FAM117B: variants seen among roughly 807,000 people sequenced by gnomAD.
FAM117B encodes protein FAM117B.
In FAM117B, 22 loss-of-function variants were observed where a neutral mutation model predicts 52.8. The ratio of observed to expected loss-of-function variants is 0.42; its 90% CI spans 0.30 to 0.59. The LOEUF (loss-of-function observed/expected upper bound fraction) is 0.59, where lower values mean the gene tolerates loss of function less well. Among genes scored for constraint, FAM117B ranks in the 20% least tolerant of loss-of-function variants. The pLI, the probability that FAM117B is intolerant of heterozygous loss-of-function variation, is 0.22. For missense variants in FAM117B, 678 were observed against 802.6 expected, an observed-to-expected ratio of 0.84 and a Z score of 1.88; for synonymous variants, 309 against 324.1, an observed-to-expected ratio of 0.95 and a Z score of 0.50.
intron 3 of FAM117B, among the ~76,000 whole-genome samples, chr2:202,725,401 C>G (rs1169252213): frequency 6.6e-6 from 1 of 150,974 alleles, no homozygotes; most frequent in Non-Finnish European, 1.5e-5. Flanking sequence ...TCACTGCAGG[C>G]TCTGCCTCCC....
At chr2:202,737,936 T>C (rs1691468005) in intron 4 of FAM117B, among the ~76,000 whole-genome samples, 1 of 152,180 alleles carries the variant, frequency 6.6e-6, no homozygotes, top group African/African-American at 2.4e-5. Context: ...TAGTATTCCA[T>C]TACATGGATT....
chr2:202,739,896 G>T (rs1410322094), intron 4 of FAM117B, among the ~76,000 whole-genome samples: 1 of 151,964 alleles, frequency 6.6e-6, no homozygotes, highest in African/African-American at 2.4e-5. Context: ...TTTAGGTTGG[G>T]CATGGTGGCT....
At chr2:202,660,713 T>C (rs1437861642) in intron 1 of FAM117B, among the ~76,000 whole-genome samples, 1 of 152,206 alleles carries the variant, frequency 6.6e-6, no homozygotes, top group Non-Finnish European at 1.5e-5. Flanking sequence ...TATCATGAAC[T>C]TCCTACAACT....
At chr2:202,717,902 C>T (rs887958197) in intron 2 of FAM117B, among the ~76,000 whole-genome samples, 4 of 152,188 alleles carry the variant, frequency 2.6e-5, no homozygotes, top group African/African-American at 9.7e-5. Context: ...TAAGTTTCCC[C>T]AGGCCCTGGG....
intron 1 of FAM117B, among the ~76,000 whole-genome samples, chr2:202,691,709 C>G (rs1690632812): frequency 7.7e-6 from 1 of 129,832 alleles, no homozygotes; most frequent in African/African-American, 2.6e-5. Context: ...GCGCGCGCGC[C>G]TCCCCACCCT....
rs552353369 is a variant in FAM117B at position 202,728,196 on chromosome 2, C to CCA, written c.960+1834_960+1835dup. On this transcript the variant is annotated intron_variant, in intron 4 of 7. Coordinates refer to ENST00000392238, the MANE Select transcript of FAM117B (RefSeq NM_173511.4). The stretch of plus-strand genomic sequence containing the variant: ...TTTGTAGAGATGGGGTCTGTGTTGC[C>CCA]CAAGCTGGTCACTAACTCCTGGCTT... Among the ~76,000 whole-genome samples, 38 of 151,872 alleles carry CCA rather than the reference C, an allele frequency of 2.5e-4. No homozygotes were observed. In the East Asian group the frequency reaches 6.4e-3, roughly 26 times the overall value.
At chr2:202,704,730 T>C (rs905298326) in intron 2 of FAM117B, among the ~76,000 whole-genome samples, 1 of 152,050 alleles carries the variant, frequency 6.6e-6, no homozygotes, top group Admixed American at 6.6e-5. Flanking sequence ...TAGTTGGGAT[T>C]ATAGGTGCCC....
In FAM117B at chr2:202,757,221, T is replaced by C; in HGVS notation, c.1113T>C (p.Asp371=). 1 of 1,613,972 alleles carries C rather than the reference T, an allele frequency of 6.2e-7. No individual in the cohort carries two copies. The highest frequency in any genetic ancestry group is 8.5e-7 in the Non-Finnish European group (1 of 1,179,904). Residue 371 remains aspartate (D), a synonymous_variant, in exon 6 of 8, where the codon GAT becomes GAC. Transcript: ENST00000392238. ...GEKEEQLIPQ[D]IPDGHRAPPP... ...TTACAATTTTGTAACAGCCGCAAGA[T>C]ATTCCAGATGGCCATCGTGCTCCAC...
intron 4 of FAM117B, among the ~76,000 whole-genome samples, chr2:202,731,066 A>T (rs1691336983): frequency 6.6e-6 from 1 of 152,086 alleles, no homozygotes. Flanking sequence ...TATATCTGAT[A>T]AGGCATTTGT....
chr2:202,726,156 TAAG>T, intron 3 of FAM117B, 91 bp from the exon 4 acceptor site: 1 of 773,948 alleles, frequency 1.3e-6, no homozygotes. Flanking sequence ...AAGGACTTAT[TAAG>T]GGTAAGTTTT....
At chr2:202,692,651 A>G (rs1236412237) in intron 1 of FAM117B, among the ~76,000 whole-genome samples, 2 of 152,310 alleles carry the variant, frequency 1.3e-5, no homozygotes, top group Admixed American at 6.5e-5. Context: ...TCAATTGCAA[A>G]TGTTCATCTG....
At chr2:202,664,607 C>G (rs1192190987) in intron 1 of FAM117B, among the ~76,000 whole-genome samples, 1 of 152,140 alleles carries the variant, frequency 6.6e-6, no homozygotes, top group South Asian at 2.1e-4. Flanking sequence ...AAGATAGGGT[C>G]CAACAGGGCA....
intron 4 of FAM117B, among the ~76,000 whole-genome samples, chr2:202,743,449 T>C (rs1273819595): frequency 1.3e-5 from 2 of 152,048 alleles, no homozygotes; most frequent in African/African-American, 4.8e-5. Context: ...TTATACTAAA[T>C]GTACAAGTAT....
At chr2:202,725,138 TAAC>T (rs1039394250) in intron 3 of FAM117B, 129 bp downstream of exon 3, 2 of 574,554 alleles carry the variant, frequency 3.5e-6, no homozygotes, top group African/African-American at 3.8e-5. Flanking sequence ...GCTTCTGAAA[TAAC>T]AAAAACAATT....
intron 7 of FAM117B, among the ~76,000 whole-genome samples, chr2:202,759,887 GAC>G (rs918271558): frequency 2.6e-4 from 39 of 152,106 alleles, no homozygotes; most frequent in African/African-American, 8.0e-4. Flanking sequence ...AGTTTGGAGA[GAC>G]AGGGTCTCAC....
chr2:202,635,771 C>T lies in FAM117B; in HGVS notation c.584C>T (p.Ala195Val). ...RSSPEKRSPS[A>V]PVCKAGDKTR... ...TCGCCGGAGAAGAGGAGCCCCAGCGCCCCGGTTTGCAAAGCAGGTAAGTGC... is the reference window on the plus strand; with the variant it reads ...TCGCCGGAGAAGAGGAGCCCCAGCGTCCCGGTTTGCAAAGCAGGTAAGTGC... The change falls in exon 1 of 8, where the codon GCC (alanine) becomes GTC (valine). Residue 195 changes from alanine (A) to valine (V), a missense_variant. Physicochemically the swap from Ala to Val is moderately conservative, Grantham distance 64 (BLOSUM62 0). Around this residue, in one of 3 missense-constraint regions of FAM117B, gnomAD observed 583 missense variants for 644.8 expected, o/e 0.90. Coordinates refer to ENST00000392238, the MANE Select transcript of FAM117B (RefSeq NM_173511.4). 4.8e-6 allele frequency: 7 copies of T among 1,453,780 alleles called. No individual in the cohort carries two copies. The South Asian group carries it at 7.8e-5, about 16-fold the overall frequency. 90.1% of individuals were successfully genotyped at this position (1,453,780 alleles called of 1,614,324 possible). A position where few individuals can be genotyped will look rare whatever the true frequency, so the allele number is the denominator to read the frequency against.
At chr2:202,722,254 C>T (rs943902317) in intron 2 of FAM117B, among the ~76,000 whole-genome samples, 2 of 152,008 alleles carry the variant, frequency 1.3e-5, no homozygotes, top group Non-Finnish European at 2.9e-5. Flanking sequence ...TCGTGATCCA[C>T]CCGCCTCGGC....
Position 202,768,083 on chromosome 2 carries a change from T to C in FAM117B, c.*2319T>C, listed in dbSNP as rs1235469740. The C allele has an allele frequency of 2.0e-5, 3 of 152,238 alleles. No homozygotes were observed. Among genetic ancestry groups the C allele is most frequent in the Non-Finnish European group, 2.9e-5 (2 of 68,034 alleles). The allele number at this position is 152,238 out of a possible 1,614,324, so 9.4% of individuals were successfully genotyped here. A position where few individuals can be genotyped will look rare whatever the true frequency, so the allele number is the denominator to read the frequency against. On this transcript the variant is annotated 3_prime_UTR_variant, in exon 8 of 8. Coordinates refer to ENST00000392238, the MANE Select transcript of FAM117B (RefSeq NM_173511.4). ...GGGGTAGAGGAAGTTAAAAACAAGT[T>C]ATTTAAAAAGAACTCTTGGTTTTTG... is the stretch of plus-strand genomic sequence containing the variant.
intron 1 of FAM117B, among the ~76,000 whole-genome samples, chr2:202,661,627 A>G (rs972041248): frequency 1.3e-5 from 2 of 152,052 alleles, no homozygotes; most frequent in African/African-American, 4.8e-5. Context: ...AAAAAATTAT[A>G]TTTTTAGGCC....
Sources: allele counts gnomAD v4.1 joint callset (sites outside exome capture counted in the v4.1 genomes callset), GRCh38; gene constraint gnomAD v4.1.1; regional missense constraint gnomAD v4.1.1; transcripts MANE v1.5; gene names NCBI Gene and HGNC (gene_info 2026-07-23, HGNC 2026-07-21).